Variants in CTNNA3 observed in about 807,000 individuals in gnomAD.
CTNNA3 encodes the protein catenin alpha 3, also known as catenin alpha-3.
In CTNNA3, 76 loss-of-function variants were observed where a neutral mutation model predicts 95.7. The observed-to-expected ratio is 0.79, with a 90% confidence interval of 0.66 to 0.96. The LOEUF (loss-of-function observed/expected upper bound fraction) is 0.96. CTNNA3 is among the 40% of genes least tolerant of loss of function. The pLI, the probability that CTNNA3 is intolerant of heterozygous loss-of-function variation, is 0.00. For synonymous variants in CTNNA3, 431 were observed against 374.4 expected, an observed-to-expected ratio of 1.15 and a Z score of -1.74; for missense variants, 1,191 against 1,089.8, an observed-to-expected ratio of 1.09 and a Z score of -1.31.
At chr10:66,815,296 T>C (rs1022785654) in intron 7 of CTNNA3, among the ~76,000 whole-genome samples, 4 of 152,128 alleles carry the variant, frequency 2.6e-5, no homozygotes, top group African/African-American at 9.7e-5. Flanking sequence ...TTTTATGGTA[T>C]ATGAACTTTT....
chr10:67,189,296 G>C (rs1279142105), intron 6 of CTNNA3, among the ~76,000 whole-genome samples: 2 of 152,132 alleles, frequency 1.3e-5, no homozygotes, highest in Non-Finnish European at 2.9e-5. Context: ...ACACAGAGTG[G>C]AGTGGTGGTT....
chr10:66,838,315 T>C (rs1423956313), intron 7 of CTNNA3, among the ~76,000 whole-genome samples: 1 of 152,154 alleles, frequency 6.6e-6, no homozygotes, highest in East Asian at 1.9e-4. Flanking sequence ...GATTCATGTA[T>C]AAACAATTTT....
rs114596604 is a variant in CTNNA3 at position 66,044,767 on chromosome 10, C to A, written c.2159+24541G>T. On this transcript the variant is annotated intron_variant, in intron 15 of 17. Transcript: ENST00000433211. Reference sequence around the variant, plus strand: ...GGTTTTTCTCCTGTCTGTTTACATTCTGTTTTAGAGAATTTGAAGTAATTT... The same window carrying A: ...GGTTTTTCTCCTGTCTGTTTACATTATGTTTTAGAGAATTTGAAGTAATTT... Among the ~76,000 whole-genome samples, 463 of 152,278 alleles carry A rather than the reference C, an allele frequency of 3.0e-3. 5 individuals are homozygous for A. Among genetic ancestry groups the A allele is most frequent in the African/African-American group, 0.011 (441 of 41,568 alleles).
chr10:66,262,334 T>G (rs1242995231), intron 13 of CTNNA3, among the ~76,000 whole-genome samples: 1 of 152,070 alleles, frequency 6.6e-6, no homozygotes, highest in Non-Finnish European at 1.5e-5. Context: ...TTCCATATTT[T>G]TAAATCTAAA....
rs553407261 is a variant in CTNNA3, at chr10:67,505,203, A to G, written c.579+16639T>C. Among the ~76,000 whole-genome samples, 8 of 152,360 alleles carry G rather than the reference A, an allele frequency of 5.3e-5. No individual in the cohort carries two copies. In the East Asian group the frequency reaches 1.5e-3, roughly 29 times the overall value. On this transcript the variant is annotated intron_variant, in intron 5 of 17. Coordinates refer to ENST00000433211, the MANE Select transcript of CTNNA3 (RefSeq NM_013266.4). ...ATGAGCATTTAGCTTAAGTTCAAAC[A>G]CTGACAAAGAAGACTGAAATTGGAT...
chr10:65,960,366 A>T (rs2077818022), intron 17 of CTNNA3, among the ~76,000 whole-genome samples: 1 of 152,090 alleles, frequency 6.6e-6, no homozygotes, highest in African/African-American at 2.4e-5. Flanking sequence ...CTACTAAAAA[A>T]TACAAAAAAT....
intron 5 of CTNNA3, among the ~76,000 whole-genome samples, chr10:67,521,620 A>G (rs145891530): frequency 1.8e-4 from 27 of 152,334 alleles, no homozygotes; most frequent in African/African-American, 6.3e-4. Flanking sequence ...AGAGAGGTAT[A>G]AGGACACATG....
Position 66,673,700 on chromosome 10 carries a change from C to A in CTNNA3, c.1282-51916G>T, listed in dbSNP as rs142471298. 8.6e-5 allele frequency among the ~76,000 whole-genome samples: 13 copies of A among 152,024 alleles called. No homozygotes were observed. The East Asian group carries it at 2.5e-3, about 29-fold the overall frequency. On this transcript the variant is annotated intron_variant, in intron 9 of 17. Transcript: ENST00000433211. Reference sequence around the variant, plus strand: ...AGGATATACTACATAATCTTAAAGGCAATGAAGATTAGATATGGGCCTTAT... The same window carrying A: ...AGGATATACTACATAATCTTAAAGGAAATGAAGATTAGATATGGGCCTTAT...
chr10:67,258,019 C>T (rs1866432545), intron 5 of CTNNA3, among the ~76,000 whole-genome samples: 1 of 152,188 alleles, frequency 6.6e-6, no homozygotes, highest in African/African-American at 2.4e-5. Context: ...GTGTGTCAGA[C>T]AATCTGCCAG....
intron 9 of CTNNA3, among the ~76,000 whole-genome samples, chr10:66,736,690 TAATATATATTTAC>T (rs1189807870): frequency 6.6e-6 from 1 of 152,008 alleles, no homozygotes; most frequent in Non-Finnish European, 1.5e-5. Context: ...CTATTTGACC[TAATATATATTTAC>T]AATATATATT....
chr10:67,552,736 A>G lies in CTNNA3; in HGVS notation c.293-13067T>C, dbSNP rs372574319. On this transcript the variant is annotated intron_variant, in intron 3 of 17. Transcript: ENST00000433211. ...TTGTGCCCATGTGTTCTCATCACTCAGCTCCCACTTATATGTGAGAACATG... is the reference window on the plus strand; with the variant it reads ...TTGTGCCCATGTGTTCTCATCACTCGGCTCCCACTTATATGTGAGAACATG... Among the ~76,000 whole-genome samples, 195 of 152,108 alleles carry G rather than the reference A, an allele frequency of 1.3e-3. 7 individuals are homozygous for G. The South Asian group carries it at 0.04, about 31-fold the overall frequency.
chr10:66,329,075 C>T lies in CTNNA3; in HGVS notation c.1733-48454G>A, dbSNP rs186012551. On this transcript the variant is annotated intron_variant, in intron 12 of 17. Coordinates refer to ENST00000433211, the MANE Select transcript of CTNNA3 (RefSeq NM_013266.4). The stretch of plus-strand genomic sequence containing the variant: ...AAGCAATTCTCCGGCCTCAGCCTCT[C>T]GAGTAGCTGGGATTACAGGTGTGTG... Among the ~76,000 whole-genome samples the T allele has an allele frequency of 2.7e-3, 403 of 150,968 alleles. 1 individual carries two copies. Among genetic ancestry groups the T allele is most frequent in the African/African-American group, 9.3e-3 (384 of 41,224 alleles).
intron 5 of CTNNA3, among the ~76,000 whole-genome samples, chr10:67,310,270 A>G (rs898425703): frequency 6.6e-6 from 1 of 152,154 alleles, no homozygotes; most frequent in Non-Finnish European, 1.5e-5. Context: ...CGACATCTAA[A>G]CCCAATTAAA....
intron 6 of CTNNA3, among the ~76,000 whole-genome samples, chr10:67,190,500 T>C (rs1227292477): frequency 1.3e-5 from 2 of 151,936 alleles, no homozygotes; most frequent in African/African-American, 4.8e-5. Context: ...TAACTAGGCT[T>C]CATTTCATAT....
At chr10:67,268,354 T>A (rs920589922) in intron 5 of CTNNA3, among the ~76,000 whole-genome samples, 8 of 147,142 alleles carry the variant, frequency 5.4e-5, no homozygotes, top group Non-Finnish European at 7.4e-5. Context: ...TAAATTAAAT[T>A]AAATAAATAA....
upstream of CTNNA3, among the ~76,000 whole-genome samples, chr10:67,697,954 C>T (rs1271995540): frequency 1.3e-5 from 2 of 152,144 alleles, no homozygotes; most frequent in African/African-American, 4.8e-5. Context: ...CCATAGCTAA[C>T]TATAGGGTAG....
intron 11 of CTNNA3, among the ~76,000 whole-genome samples, chr10:66,389,730 A>ATG (rs2092921424): frequency 1.3e-4 from 4 of 30,288 alleles, no homozygotes; most frequent in African/African-American, 7.0e-4. Flanking sequence ...ATATGGAGAG[A>ATG]GAGAGAGAGA....
At chr10:66,170,517 G>T (rs2085363455) in intron 13 of CTNNA3, among the ~76,000 whole-genome samples, 1 of 151,868 alleles carries the variant, frequency 6.6e-6, no homozygotes. Flanking sequence ...TGAAAAAATG[G>T]AGATACAATG....
rs1231458555 is a variant in CTNNA3 at position 66,583,108 on chromosome 10, T to C, written c.1374+38584A>G. On this transcript the variant is annotated intron_variant, in intron 10 of 17. Transcript: ENST00000433211. ...TTGGTCTGTAGTTTTCTCTTTTTTGTTAAGTCTTTCCTTTGCTTTGGTACC... is the reference window on the plus strand; with the variant it reads ...TTGGTCTGTAGTTTTCTCTTTTTTGCTAAGTCTTTCCTTTGCTTTGGTACC... Among the ~76,000 whole-genome samples, 5 of 151,434 alleles carry C rather than the reference T, an allele frequency of 3.3e-5. 1 individual carries two copies. Among genetic ancestry groups the C allele is most frequent in the African/African-American group, 1.2e-4 (5 of 41,344 alleles).
Sources: allele counts gnomAD v4.1 joint callset (sites outside exome capture counted in the v4.1 genomes callset), GRCh38; gene constraint gnomAD v4.1.1; transcripts MANE v1.5; gene names NCBI Gene and HGNC (gene_info 2026-07-23, HGNC 2026-07-21).